Variants in RTL4 observed in about 807,000 individuals in gnomAD.
RTL4 encodes retrotransposon Gag-like protein 4.
A neutral mutation model predicts 5.3 loss-of-function variants in RTL4; 4 were observed. That is an observed-to-expected ratio of 0.75 (90% CI 0.37 to 1.72). The LOEUF (loss-of-function observed/expected upper bound fraction) is 1.72, where lower values mean the gene tolerates loss of function less well. Among genes scored for constraint, RTL4 ranks in the 40% most tolerant of loss-of-function variants. The probability of loss-of-function intolerance (pLI) is 0.04; values close to 1 mark genes in which losing one functional copy is unlikely to be tolerated. For missense variants in RTL4, 260 were observed against 227.1 expected (o/e 1.14, Z -0.93); for synonymous variants, 98 against 87.3 (o/e 1.12, Z -0.68).
chrX:112,406,305 A>G, the RTL4 span, among the ~76,000 whole-genome samples: 1 of 112,034 alleles, frequency 8.9e-6, no homozygotes, highest in Non-Finnish European at 1.9e-5. Context: ...GGCTGTACAG[A>G]AAGCACTGTG....
chrX:112,092,158 T>A, the RTL4 span, among the ~76,000 whole-genome samples: 203 of 112,142 alleles, frequency 1.8e-3, 2 homozygotes, highest in Non-Finnish European at 1.6e-3. Flanking sequence ...GCTTTTAAAG[T>A]CTGTTCTGCC....
chrX:112,119,609 T>TA, the RTL4 span, among the ~76,000 whole-genome samples: 1 of 111,786 alleles, frequency 8.9e-6, no homozygotes, highest in Non-Finnish European at 1.9e-5. Context: ...TTATAAATGT[T>TA]AGAGTATTAA....
the RTL4 span, among the ~76,000 whole-genome samples, chrX:112,155,993 C>T: frequency 8.9e-6 from 1 of 112,090 alleles, no homozygotes. Context: ...TTTCTAGCAG[C>T]TCAGCGTCAA....
chrX:112,411,154 A>G, the RTL4 span, among the ~76,000 whole-genome samples: 1 of 111,729 alleles, frequency 9.0e-6, no homozygotes, highest in African/African-American at 3.2e-5. Flanking sequence ...GAATTGAACC[A>G]TGAAGAAATC....
At chrX:112,261,490 G>A in the RTL4 span, among the ~76,000 whole-genome samples, 1 of 111,555 alleles carries the variant, frequency 9.0e-6, no homozygotes, top group East Asian at 2.8e-4. Flanking sequence ...TACAAGGGAT[G>A]TGAAGGACCT....
At chrX:112,317,603 A>G in the RTL4 span, among the ~76,000 whole-genome samples, 2 of 111,445 alleles carry the variant, frequency 1.8e-5, no homozygotes, top group African/African-American at 6.5e-5. Flanking sequence ...CAGGTAAATC[A>G]GTGTACCTAC....
chrX:112,286,896 C>T, the RTL4 span, among the ~76,000 whole-genome samples: 1 of 111,676 alleles, frequency 9.0e-6, no homozygotes, highest in Non-Finnish European at 1.9e-5. Flanking sequence ...TTGAATATCA[C>T]CACATGGAAT....
the RTL4 span, among the ~76,000 whole-genome samples, chrX:112,334,316 A>C: frequency 1.8e-5 from 2 of 112,114 alleles, no homozygotes; most frequent in Non-Finnish European, 3.8e-5. Flanking sequence ...GTATATACCC[A>C]GCAGTGGGAT....
chrX:112,167,312 T>C, the RTL4 span, among the ~76,000 whole-genome samples: 9 of 111,862 alleles, frequency 8.0e-5, no homozygotes, highest in East Asian at 2.8e-4. Context: ...AAAAGCAAGA[T>C]GGGAATAAGT....
At chrX:112,217,353 A>C in the RTL4 span, among the ~76,000 whole-genome samples, 1 of 112,008 alleles carries the variant, frequency 8.9e-6, no homozygotes, top group Non-Finnish European at 1.9e-5. Context: ...TATGAAAGGA[A>C]GATTCTGCCT....
At chrX:112,328,533 G>A in the RTL4 span, among the ~76,000 whole-genome samples, 56 of 110,913 alleles carry the variant, frequency 5.0e-4, no homozygotes, top group Admixed American at 1.2e-3. Context: ...CTACAAAGAG[G>A]CTTAGACTCC....
At chrX:112,199,110 A>T in the RTL4 span, among the ~76,000 whole-genome samples, 1 of 109,975 alleles carries the variant, frequency 9.1e-6, no homozygotes. Context: ...AACATGGTGA[A>T]ACCCTGTCTC....
chrX:112,455,275 C>T lies in RTL4; in HGVS notation c.547C>T (p.Gln183Ter), dbSNP rs147007127. 2.4e-5 allele frequency: 29 copies of T among 1,209,417 alleles called. No homozygotes were observed. The highest frequency in any genetic ancestry group is 3.2e-5 in the Non-Finnish European group (29 of 895,116). Residue 183 changes from glutamine (Q) to a stop codon, truncating the protein, a stop_gained, in exon 1 of 1, where the codon CAG becomes TAG. Transcript: ENST00000340433. LOFTEE classifies it low-confidence loss of function (END_TRUNC). ...CTGTAATGAAACCAATCAGAGTGGT[C>T]AGTTCGAAAAGGCACTAGCTGATCC...
the RTL4 span, among the ~76,000 whole-genome samples, chrX:112,093,645 T>C: frequency 5.3e-5 from 6 of 112,168 alleles, no homozygotes; most frequent in African/African-American, 1.6e-4. Flanking sequence ...AACAATAAAT[T>C]AGTAATTTAA....
At chrX:112,447,274 C>T in the RTL4 span, among the ~76,000 whole-genome samples, 21,832 of 111,281 alleles carry the variant, frequency 0.2, 1,777 homozygotes, top group African/African-American at 0.25. Flanking sequence ...GGCAACCTTC[C>T]AGTGGCTCTA....
At chrX:112,437,095 G>C in the RTL4 span, among the ~76,000 whole-genome samples, 4 of 111,772 alleles carry the variant, frequency 3.6e-5, no homozygotes, top group Admixed American at 3.8e-4. Flanking sequence ...AAACATACAG[G>C]CCTTATTCCT....
chrX:112,342,890 A>G, the RTL4 span, among the ~76,000 whole-genome samples: 1 of 111,681 alleles, frequency 9.0e-6, no homozygotes, highest in African/African-American at 3.3e-5. Flanking sequence ...TCACAGGATC[A>G]GGAGTTCGAG....
the RTL4 span, among the ~76,000 whole-genome samples, chrX:112,180,436 C>A: frequency 1.6e-4 from 18 of 111,863 alleles, no homozygotes; most frequent in East Asian, 8.5e-4. Flanking sequence ...TGTGATACAA[C>A]CTTTTCTCTA....
the RTL4 span, among the ~76,000 whole-genome samples, chrX:112,409,700 G>A: frequency 3.1e-5 from 3 of 98,026 alleles, no homozygotes; most frequent in South Asian, 5.4e-4. Flanking sequence ...CAGCCTGGGC[G>A]ACAGAGTGAG....
Sources: allele counts gnomAD v4.1 joint callset (sites outside exome capture counted in the v4.1 genomes callset), GRCh38; gene constraint gnomAD v4.1.1; transcripts MANE v1.5; gene names NCBI Gene and HGNC (gene_info 2026-07-23, HGNC 2026-07-21).